Variants in LMBR1 observed in about 807,000 individuals in gnomAD.
The protein encoded by LMBR1 is limb development membrane protein 1, also known as limb region 1 protein homolog.
A neutral mutation model predicts 73.9 loss-of-function variants in LMBR1; 52 were observed. That is an observed-to-expected ratio of 0.70 (90% CI 0.56 to 0.89). LMBR1 has a LOEUF of 0.89. LMBR1 is among the 40% of genes least tolerant of loss of function. The probability of loss-of-function intolerance (pLI) is 0.00; values close to 1 mark genes in which losing one functional copy is unlikely to be tolerated. For synonymous variants in LMBR1, 215 were observed against 209.4 expected, an observed-to-expected ratio of 1.03 and a Z score of -0.23; for missense variants, 539 against 579.8, an observed-to-expected ratio of 0.93 and a Z score of 0.72.
chr7:156,689,660 A>G (rs1416357060), intron 15 of LMBR1, among the ~76,000 whole-genome samples: 1 of 152,228 alleles, frequency 6.6e-6, no homozygotes, highest in South Asian at 2.1e-4. Context: ...TTTTTAAGGT[A>G]GATAATTAAT....
chr7:156,872,778 G>C (rs1041663270), intron 1 of LMBR1, among the ~76,000 whole-genome samples: 1 of 152,166 alleles, frequency 6.6e-6, no homozygotes, highest in Non-Finnish European at 1.5e-5. Context: ...ATGGGAGGCA[G>C]GACTAGATTG....
chr7:156,677,666 T>C (rs1804313715), downstream of LMBR1: 1 of 152,324 alleles, frequency 6.6e-6, no homozygotes, highest in East Asian at 1.9e-4. Context: ...AATGCCAAAA[T>C]TTCTATTTAT....
At chr7:156,891,218 AT>A (rs1802891909) in intron 1 of LMBR1, among the ~76,000 whole-genome samples, 3 of 60,984 alleles carry the variant, frequency 4.9e-5, no homozygotes, top group Non-Finnish European at 6.7e-5. Context: ...AAAAATATAT[AT>A]ATATATATAT....
chr7:156,776,248 G>A (rs1826117443), intron 5 of LMBR1, among the ~76,000 whole-genome samples: 1 of 151,806 alleles, frequency 6.6e-6, no homozygotes, highest in Non-Finnish European at 1.5e-5. Flanking sequence ...CATATCATTT[G>A]TGTTTCTAAA....
At chr7:156,819,559 AT>A (rs1834434596) in intron 4 of LMBR1, among the ~76,000 whole-genome samples, 1 of 152,200 alleles carries the variant, frequency 6.6e-6, no homozygotes, top group Non-Finnish European at 1.5e-5. Flanking sequence ...GAATCTGAAC[AT>A]TTTCTGAGTA....
chr7:156,883,045 T>A (rs573102468), intron 1 of LMBR1, among the ~76,000 whole-genome samples: 5 of 148,098 alleles, frequency 3.4e-5, no homozygotes, highest in East Asian at 4.1e-4. Context: ...AAAAAAAAAA[T>A]TTTTTGTTAA....
chr7:156,820,074 A>G (rs1402385058), intron 4 of LMBR1, among the ~76,000 whole-genome samples: 1 of 152,194 alleles, frequency 6.6e-6, no homozygotes, highest in Non-Finnish European at 1.5e-5. Context: ...CTACACCCCC[A>G]TTCGATTCTT....
At chr7:156,807,879 A>C (rs1471899007) in intron 4 of LMBR1, among the ~76,000 whole-genome samples, 1 of 152,138 alleles carries the variant, frequency 6.6e-6, no homozygotes, top group Non-Finnish European at 1.5e-5. Flanking sequence ...CCAGTGAGTT[A>C]TTGTAAAGTA....
At chr7:156,799,994 A>G (rs1272839869) in intron 4 of LMBR1, among the ~76,000 whole-genome samples, 1 of 152,204 alleles carries the variant, frequency 6.6e-6, no homozygotes, top group Admixed American at 6.5e-5. Flanking sequence ...CTCCAAAAGA[A>G]AAGTCTGAAG....
intron 9 of LMBR1, among the ~76,000 whole-genome samples, chr7:156,742,057 G>A (rs975467819): frequency 1.3e-5 from 2 of 152,064 alleles, no homozygotes; most frequent in Non-Finnish European, 2.9e-5. Flanking sequence ...GTGGGTCAAT[G>A]AAGAAATTAA....
chr7:156,831,005 A>G (rs528602004), intron 3 of LMBR1, among the ~76,000 whole-genome samples: 3 of 152,348 alleles, frequency 2.0e-5, no homozygotes, highest in African/African-American at 4.8e-5. Flanking sequence ...ACTAAAGATG[A>G]TAAGTGTTAC....
intron 3 of LMBR1, 111 bp from the exon 4 acceptor site, chr7:156,826,855 A>C: frequency 9.9e-7 from 1 of 1,010,562 alleles, no homozygotes; most frequent in South Asian, 2.1e-5. Flanking sequence ...GCATTATATT[A>C]AGAACTTTAT....
chr7:156,767,056 C>T (rs1174580245), intron 5 of LMBR1, among the ~76,000 whole-genome samples: 3 of 152,168 alleles, frequency 2.0e-5, no homozygotes, highest in Non-Finnish European at 4.4e-5. Context: ...GGGCCAGTCG[C>T]TTTTGCCATG....
intron 8 of LMBR1, among the ~76,000 whole-genome samples, chr7:156,758,785 C>T: frequency 6.6e-6 from 1 of 152,326 alleles, no homozygotes; most frequent in Non-Finnish European, 1.5e-5. Flanking sequence ...TTATAAATTA[C>T]TCAGCCTCAG....
At chr7:156,864,760 G>A (rs374407157) in intron 1 of LMBR1, among the ~76,000 whole-genome samples, 14 of 152,130 alleles carry the variant, frequency 9.2e-5, no homozygotes, top group African/African-American at 2.7e-4. Flanking sequence ...ACTTTGGGAG[G>A]CCCGACACGG....
intron 15 of LMBR1, among the ~76,000 whole-genome samples, chr7:156,692,057 G>T (rs1400570709): frequency 6.6e-6 from 1 of 152,170 alleles, no homozygotes; most frequent in South Asian, 2.1e-4. Context: ...AATGAAAGAT[G>T]ATGCTGTTGA....
intron 15 of LMBR1, among the ~76,000 whole-genome samples, chr7:156,706,769 T>G (rs1278759163): frequency 6.6e-6 from 1 of 151,478 alleles, no homozygotes; most frequent in Non-Finnish European, 1.5e-5. Context: ...AGTGACTACA[T>G]GAAAGATACT....
At chr7:156,880,919 C>A (rs1800990311) in intron 1 of LMBR1, among the ~76,000 whole-genome samples, 1 of 152,176 alleles carries the variant, frequency 6.6e-6, no homozygotes, top group South Asian at 2.1e-4. Context: ...TCCCAAAGTG[C>A]TGGGACTTCA....
intron 3 of LMBR1, among the ~76,000 whole-genome samples, chr7:156,827,261 A>G (rs932490661): frequency 6.6e-6 from 1 of 152,178 alleles, no homozygotes; most frequent in African/African-American, 2.4e-5. Flanking sequence ...AATAAATTAT[A>G]GTAATAAAAA....
Sources: gnomAD v4.1 joint callset for allele counts (sites outside exome capture counted in the v4.1 genomes callset) on GRCh38, gnomAD v4.1.1 for gene constraint, MANE v1.5 for transcripts, NCBI Gene and HGNC (gene_info 2026-07-23, HGNC 2026-07-21) for gene names.